Variants in ZYG11B observed in about 807,000 individuals in gnomAD.
ZYG11B encodes the protein zyg-11 family member B, cell cycle regulator, also known as protein zyg-11 homolog B.
ZYG11B carries 36 observed loss-of-function variants against 82.4 expected under a neutral mutation model. That is an observed-to-expected ratio of 0.44 (90% CI 0.33 to 0.58). The LOEUF is 0.58. Ranked by LOEUF, ZYG11B falls within the 20% of genes least tolerant of loss-of-function variation. The pLI, the probability that ZYG11B is intolerant of heterozygous loss-of-function variation, is 0.02. For missense variants in ZYG11B, 552 were observed against 895.6 expected (o/e 0.62, Z 4.90); for synonymous variants, 303 against 312.8 (o/e 0.97, Z 0.33).
chr1:52,803,574 A>C (rs930560308), intron 10 of ZYG11B, among the ~76,000 whole-genome samples: 1 of 151,976 alleles, frequency 6.6e-6, no homozygotes, highest in Non-Finnish European at 1.5e-5. Flanking sequence ...GGTATTGTAC[A>C]AAGTTTCACA....
chr1:52,791,718 C>T (rs570786053), intron 6 of ZYG11B, among the ~76,000 whole-genome samples: 7 of 152,284 alleles, frequency 4.6e-5, no homozygotes, highest in African/African-American at 1.7e-4. Flanking sequence ...TAACAGAGTA[C>T]ACTTATCTGG....
At chr1:52,817,815 A>ATATGTATT (rs1558145357) in intron 13 of ZYG11B, among the ~76,000 whole-genome samples, 1 of 27,664 alleles carries the variant, frequency 3.6e-5, no homozygotes, top group Non-Finnish European at 6.3e-5. Context: ...ATATATATAT[A>ATATGTATT]TTTTTTTTTT....
chr1:52,770,088 ATATATTT>A (rs1331884773), intron 2 of ZYG11B, among the ~76,000 whole-genome samples: 8 of 76,914 alleles, frequency 1.0e-4, no homozygotes, highest in African/African-American at 3.0e-4. Context: ...ATATATATAT[ATATATTT>A]TTTTTTTTTT....
chr1:52,775,656 A>T (rs1644797481), intron 3 of ZYG11B, among the ~76,000 whole-genome samples: 1 of 151,578 alleles, frequency 6.6e-6, no homozygotes, highest in Non-Finnish European at 1.5e-5. Context: ...GTGGCACTGC[A>T]CTCCAGCCTG....
intron 13 of ZYG11B, among the ~76,000 whole-genome samples, chr1:52,818,253 G>A (rs1225175197): frequency 6.6e-6 from 1 of 151,958 alleles, no homozygotes; most frequent in Non-Finnish European, 1.5e-5. Flanking sequence ...TGAGTGGATC[G>A]CTTGAGCCCG....
chr1:52,806,977 TC>T, intron 10 of ZYG11B, among the ~76,000 whole-genome samples: 1 of 152,186 alleles, frequency 6.6e-6, no homozygotes, highest in East Asian at 1.9e-4. Context: ...CAAGTGATTC[TC>T]CTGCCTCAGC....
At position 52,797,172 on chromosome 1, in the gene ZYG11B, A is replaced by ATATATTATATAT. The variant is rs1351911429; in HGVS notation, c.1485+393_1485+394insTATATATTATAT. 2.3e-3 allele frequency among the ~76,000 whole-genome samples: 160 copies of ATATATTATATAT among 68,928 alleles called. 2 individuals are homozygous for ATATATTATATAT. Among genetic ancestry groups the ATATATTATATAT allele is most frequent in the African/African-American group, 0.014 (152 of 11,184 alleles). The allele number at this position is 68,928 out of a possible 152,430, so 45.2% of individuals were successfully genotyped here. A position where few individuals can be genotyped will look rare whatever the true frequency, so the allele number is the denominator to read the frequency against. ...ATTATATATTTATATATTATATATT[A>ATATATTATATAT]TATATATTTATATATTATATATAAA... On this transcript the variant is annotated intron_variant, in intron 8 of 13. Coordinates refer to ENST00000294353, the MANE Select transcript of ZYG11B (RefSeq NM_024646.3).
In ZYG11B at chr1:52,733,202, G is replaced by T. The variant is rs111598284; in HGVS notation, c.30+6519G>T. On this transcript the variant is annotated intron_variant, in intron 1 of 13. Coordinates refer to ENST00000294353, the MANE Select transcript of ZYG11B (RefSeq NM_024646.3). Reference sequence around the variant, plus strand: ...TTAAGTTACTGAGAAAGTTTTATCAGATTTTACTCTGTGGTAAAATTTGTA... The same window carrying T: ...TTAAGTTACTGAGAAAGTTTTATCATATTTTACTCTGTGGTAAAATTTGTA... Among the ~76,000 whole-genome samples, 371 of 152,270 alleles carry T rather than the reference G, an allele frequency of 2.4e-3. 2 individuals are homozygous for T. The highest frequency in any genetic ancestry group is 0.014 in the East Asian group (73 of 5,186).
chr1:52,744,546 A>G (rs1005109355), intron 1 of ZYG11B, among the ~76,000 whole-genome samples: 1 of 152,218 alleles, frequency 6.6e-6, no homozygotes, highest in Non-Finnish European at 1.5e-5. Flanking sequence ...CTTAACTACG[A>G]TATTTCTAGA....
intron 8 of ZYG11B, among the ~76,000 whole-genome samples, chr1:52,797,409 TATC>T (rs1413222729): frequency 2.0e-5 from 2 of 99,054 alleles, no homozygotes; most frequent in Non-Finnish European, 3.5e-5. Flanking sequence ...ATGAAATATA[TATC>T]ATATATTATA....
At chr1:52,806,308 CACTA>C (rs1645141319) in intron 10 of ZYG11B, among the ~76,000 whole-genome samples, 1 of 152,090 alleles carries the variant, frequency 6.6e-6, no homozygotes, top group Non-Finnish European at 1.5e-5. Flanking sequence ...GATTAATTAA[CACTA>C]ATTAATAATT....
chr1:52,794,338 T>G (rs1285911761), intron 6 of ZYG11B, among the ~76,000 whole-genome samples: 3 of 152,030 alleles, frequency 2.0e-5, no homozygotes, highest in Non-Finnish European at 2.9e-5. Context: ...GGAAGCCAAT[T>G]AGGAATATAT....
chr1:52,742,403 G>T (rs1558117813), intron 1 of ZYG11B, among the ~76,000 whole-genome samples: 1 of 152,062 alleles, frequency 6.6e-6, no homozygotes, highest in Non-Finnish European at 1.5e-5. Flanking sequence ...AGTGAGTTGT[G>T]ATTATGCTAT....
chr1:52,734,749 A>G (rs1383308447), intron 1 of ZYG11B, among the ~76,000 whole-genome samples: 2 of 151,106 alleles, frequency 1.3e-5, no homozygotes, highest in African/African-American at 4.9e-5. Flanking sequence ...TTATTTTGAG[A>G]TGGAGTTTCG....
chr1:52,753,923 G>A (rs1644548541), intron 1 of ZYG11B, among the ~76,000 whole-genome samples: 1 of 152,102 alleles, frequency 6.6e-6, no homozygotes, highest in Admixed American at 6.5e-5. Flanking sequence ...TAGAGACAGG[G>A]TTTTACCATG....
intron 1 of ZYG11B, among the ~76,000 whole-genome samples, chr1:52,746,332 C>T (rs1300518431): frequency 6.6e-6 from 1 of 152,086 alleles, no homozygotes; most frequent in Non-Finnish European, 1.5e-5. Flanking sequence ...ATCCTGCAAA[C>T]AAAAAGTCAT....
In ZYG11B at chr1:52,810,832, C is replaced by T. The variant is rs1645176174; in HGVS notation, c.1696-2704C>T. Among the ~76,000 whole-genome samples the T allele has an allele frequency of 2.6e-5, 4 of 152,118 alleles. No homozygotes were observed. In the South Asian group the frequency reaches 8.3e-4, roughly 32 times the overall value. ...GGCGGATCACCTGAGGTCAGGAGTTCAAGACCAGCCTGGCCAACATGGCGA... is the reference window on the plus strand; with the variant it reads ...GGCGGATCACCTGAGGTCAGGAGTTTAAGACCAGCCTGGCCAACATGGCGA... On this transcript the variant is annotated intron_variant, in intron 10 of 13. Transcript: ENST00000294353.
rs554403226 is a variant in ZYG11B at position 52,794,119 on chromosome 1, C to T, written c.1335-2173C>T. 5.3e-5 allele frequency among the ~76,000 whole-genome samples: 8 copies of T among 151,914 alleles called. No individual in the cohort carries two copies. The East Asian group carries it at 7.8e-4, about 15-fold the overall frequency. On this transcript the variant is annotated intron_variant, in intron 6 of 13. Transcript: ENST00000294353. ...CCTCCCGAGTAGCTGAGACTATAGG[C>T]GCGCACCACCACACCCAGCTAATTT... is the stretch of plus-strand genomic sequence containing the variant.
intron 3 of ZYG11B, among the ~76,000 whole-genome samples, chr1:52,773,627 A>AT (rs560456264): frequency 3.4e-4 from 10 of 29,230 alleles, no homozygotes; most frequent in South Asian, 2.2e-3. Context: ...ATATATATAT[A>AT]TTTTTTTTTT....
Sources: gnomAD v4.1 joint callset for allele counts (sites outside exome capture counted in the v4.1 genomes callset) on GRCh38, gnomAD v4.1.1 for gene constraint, MANE v1.5 for transcripts, NCBI Gene and HGNC (gene_info 2026-07-23, HGNC 2026-07-21) for gene names.